Variants in HINFP observed in about 807,000 individuals in gnomAD.
The protein encoded by HINFP is histone H4 transcription factor.
HINFP carries 20 observed loss-of-function variants against 50.1 expected under a neutral mutation model. That is an observed-to-expected ratio of 0.40 (90% CI 0.28 to 0.58). HINFP has a LOEUF of 0.58. HINFP is among the 20% of genes least tolerant of loss of function. The pLI is 0.45. For missense variants in HINFP, 505 were observed against 664.1 expected (o/e 0.76, Z 2.63); for synonymous variants, 247 against 243.7 (o/e 1.01, Z -0.13).
At chr11:119,127,710 A>T (rs940852429) in intron 2 of HINFP, among the ~76,000 whole-genome samples, 3 of 151,598 alleles carry the variant, frequency 2.0e-5, no homozygotes, top group African/African-American at 4.8e-5. Context: ...GCCAATTTTT[A>T]AAAAAATTTT....
intron 1 of HINFP, among the ~76,000 whole-genome samples, chr11:119,123,547 TC>T (rs1488992196): frequency 1.0e-5 from 1 of 100,006 alleles, no homozygotes; most frequent in African/African-American, 5.2e-5. Context: ...ATTTCTTTCT[TC>T]TTTTTTTTTT....
At position 119,131,844 on chromosome 11, in the gene HINFP, T is replaced by C; in HGVS notation, c.538T>C (p.Phe180Leu). ...TTCCTTCCCAGGCTGTACCTGCACC[T>C]TCAAGGACCGCAGTAAACTTCGAGA... is the stretch of plus-strand genomic sequence containing the variant. ...LCGWKGCTCT[F>L]KDRSKLREHL... Residue 180 changes from phenylalanine to leucine, a missense_variant, in exon 5 of 10, where the codon TTC (phenylalanine) becomes CTC (leucine). Coordinates refer to ENST00000350777, the MANE Select transcript of HINFP (RefSeq NM_198971.3). The surrounding 1 kb of genome is among the most constrained non-coding windows in gnomAD (Gnocchi z 4.2). The C allele has an allele frequency of 6.2e-7, 1 of 1,614,104 alleles. No homozygotes were observed. Among genetic ancestry groups the C allele is most frequent in the Non-Finnish European group, 8.5e-7 (1 of 1,180,028 alleles).
At chr11:119,133,407 C>A (rs576884686) in intron 9 of HINFP, 188 bp downstream of exon 9, 9 of 603,468 alleles carry the variant, frequency 1.5e-5, no homozygotes, top group Non-Finnish European at 1.1e-5. Context: ...GGTGAAACCC[C>A]GTCTCTACTA....
chr11:119,135,833 C>T lies in HINFP; in HGVS notation c.*1335C>T, dbSNP rs983993638. ...CACAAGGTCAAGAGATGGAGACCAT[C>T]CTGGCCAACATGGTGAAACCCCGTC... On this transcript the variant is annotated 3_prime_UTR_variant, in exon 10 of 10. Coordinates refer to ENST00000350777, the MANE Select transcript of HINFP (RefSeq NM_198971.3). 3.9e-5 allele frequency: 6 copies of T among 152,164 alleles called. No homozygotes were observed. Among genetic ancestry groups the T allele is most frequent in the African/African-American group, 7.2e-5 (3 of 41,400 alleles). The allele number at this position is 152,164 out of a possible 1,614,324, so 9.4% of individuals were successfully genotyped here.
At chr11:119,133,824 C>G (rs959014501) in intron 9 of HINFP, 11 of 572,860 alleles carry the variant, frequency 1.9e-5, no homozygotes, top group Non-Finnish European at 3.4e-5. Flanking sequence ...TCCTTTGACA[C>G]TTTCACCCTC....
chr11:119,134,592 C>A lies in HINFP; in HGVS notation c.*94C>A. ...AGTGGGCAGCCGTTGCCAATGGATG[C>A]CTTTAGGAGTGGTGCCGAGAGCAGT... On this transcript the variant is annotated 3_prime_UTR_variant, in exon 10 of 10. Coordinates refer to ENST00000350777, the MANE Select transcript of HINFP (RefSeq NM_198971.3). The surrounding 1 kb of genome is among the most constrained non-coding windows in gnomAD (Gnocchi z 4.3). The A allele has an allele frequency of 1.0e-6, 1 of 971,774 alleles. No individual in the cohort carries two copies. The highest frequency in any genetic ancestry group is 1.5e-6 in the Non-Finnish European group (1 of 670,626). 60.2% of individuals were successfully genotyped at this position (971,774 alleles called of 1,614,324 possible).
Position 119,130,770 on chromosome 11 carries a change from T to C in HINFP, c.227T>C (p.Leu76Pro). ...TGGCAGGAATGTGGCTTTTGTTCTCTGGACAGTTCTGCTGACCTCATCCGC... is the reference window on the plus strand; with the variant it reads ...TGGCAGGAATGTGGCTTTTGTTCTCCGGACAGTTCTGCTGACCTCATCCGC... ...CLWQECGFCS[L>P]DSSADLIRHV... The change falls in exon 3 of 10, where the codon CTG becomes CCG. Residue 76 changes from leucine (L) to proline (P), a missense_variant. Coordinates refer to ENST00000350777, the MANE Select transcript of HINFP (RefSeq NM_198971.3). 2 of 1,614,252 alleles carry C rather than the reference T, an allele frequency of 1.2e-6. No homozygotes were observed. Among genetic ancestry groups the C allele is most frequent in the Non-Finnish European group, 1.7e-6 (2 of 1,180,038 alleles).
In HINFP at chr11:119,132,677, C is replaced by T; in HGVS notation, c.771C>T (p.Cys257=). Residue 257 remains cysteine (C), a synonymous_variant, in exon 7 of 10, where the codon TGC becomes TGT. Coordinates refer to ENST00000350777, the MANE Select transcript of HINFP (RefSeq NM_198971.3). ...HMRNHVNHYK[C]PLCDMTCPLP... ...TTCTCTCAGTGAATCACTATAAGTG[C>T]CCTCTGTGTGACATGACCTGCCCGC... The T allele has an allele frequency of 6.2e-7, 1 of 1,614,098 alleles. No homozygotes were observed. Among genetic ancestry groups the T allele is most frequent in the Non-Finnish European group, 8.5e-7 (1 of 1,180,042 alleles).
At chr11:119,125,354 C>G (rs1046153485) in intron 1 of HINFP, 7 of 152,068 alleles carry the variant, frequency 4.6e-5, no homozygotes, top group African/African-American at 1.7e-4. Context: ...CCTTCAGTTT[C>G]ATGTTTATCT....
In HINFP at chr11:119,131,778, C is replaced by T; in HGVS notation, c.524-52C>T. 1 of 1,611,404 alleles carries T rather than the reference C, an allele frequency of 6.2e-7. No individual in the cohort carries two copies. The highest frequency in any genetic ancestry group is 8.5e-7 in the Non-Finnish European group (1 of 1,178,600). ...TGGAGAGACTCAGGGGTACCAGATCCTAGGCAAAACTGGGGTTTTGTGGCA... is the reference window on the plus strand; with the variant it reads ...TGGAGAGACTCAGGGGTACCAGATCTTAGGCAAAACTGGGGTTTTGTGGCA... On this transcript the variant is annotated intron_variant, in intron 4 of 9. Coordinates refer to ENST00000350777, the MANE Select transcript of HINFP (RefSeq NM_198971.3). This position sits in a 1 kb window ranked among gnomAD's most constrained non-coding sequence, Gnocchi z 4.2.
intron 6 of HINFP, 43 bp downstream of exon 6, chr11:119,132,616 G>T (rs183673787): frequency 2.5e-5 from 41 of 1,614,020 alleles, no homozygotes; most frequent in Middle Eastern, 3.3e-4. Context: ...GCCCTCCAAG[G>T]TTCCACAAGT....
rs919706277 is a variant in HINFP at position 119,134,324 on chromosome 11, C to T, written c.1380C>T (p.Pro460=). 2 of 1,614,188 alleles carry T rather than the reference C, an allele frequency of 1.2e-6. No individual in the cohort carries two copies. Among genetic ancestry groups the T allele is most frequent in the Middle Eastern group, 1.6e-4 (1 of 6,062 alleles). ...GTALSASQDN[P]SSVIHVVNQT... is the part of the protein sequence containing the mutation. ...CCCTCTCAGCCTCTCAGGACAACCC[C>T]AGTTCTGTCATCCACGTGGTGAATC... The change falls in exon 10 of 10, where the codon CCC becomes CCT. Residue 460 remains proline (P), a synonymous_variant. Coordinates refer to ENST00000350777, the MANE Select transcript of HINFP (RefSeq NM_198971.3). This position sits in a 1 kb window ranked among gnomAD's most constrained non-coding sequence, Gnocchi z 4.3.
rs562069449 is a variant in HINFP, at chr11:119,135,841, A to C, written c.*1343A>C. 1.3e-5 allele frequency: 2 copies of C among 152,346 alleles called. No individual in the cohort carries two copies. Among genetic ancestry groups the C allele is most frequent in the South Asian group, 4.1e-4 (2 of 4,822 alleles). 9.4% of individuals were successfully genotyped at this position (152,346 alleles called of 1,614,324 possible). Reference sequence around the variant, plus strand: ...CAAGAGATGGAGACCATCCTGGCCAACATGGTGAAACCCCGTCTCTACTAA... The same window carrying C: ...CAAGAGATGGAGACCATCCTGGCCACCATGGTGAAACCCCGTCTCTACTAA... On this transcript the variant is annotated 3_prime_UTR_variant, in exon 10 of 10. Coordinates refer to ENST00000350777, the MANE Select transcript of HINFP (RefSeq NM_198971.3).
intron 1 of HINFP, chr11:119,125,554 G>A (rs1298267949): frequency 6.6e-6 from 1 of 152,184 alleles, no homozygotes; most frequent in African/African-American, 2.4e-5. Context: ...GCGCATGCCT[G>A]TGGTCCCAGT....
rs768715997 is a variant in HINFP, at chr11:119,131,627, G to A, written c.504G>A (p.Val168=). ...AAGCAGTCGGCAAGGACAACCCGGT[G>A]GTGCTGTGTGGCTGGAAAGGTAGGG... ...EYEAVGKDNP[V]VLCGWKGCTC... The change falls in exon 4 of 10, where the codon GTG becomes GTA. Residue 168 remains valine (V), a synonymous_variant. Coordinates refer to ENST00000350777, the MANE Select transcript of HINFP (RefSeq NM_198971.3). This position sits in a 1 kb window ranked among gnomAD's most constrained non-coding sequence, Gnocchi z 4.2. 6.2e-7 allele frequency: 1 copy of A among 1,613,988 alleles called. No individual in the cohort carries two copies. Among genetic ancestry groups the A allele is most frequent in the Non-Finnish European group, 8.5e-7 (1 of 1,179,842 alleles).
chr11:119,125,037 T>TGTG (rs1565788267), intron 1 of HINFP: 7 of 38,602 alleles, frequency 1.8e-4, no homozygotes, highest in African/African-American at 1.1e-3. Context: ...GTGTGTGTGT[T>TGTG]TTTTTTTTTT....
Position 119,132,851 on chromosome 11 carries a change from T to C in HINFP, c.876-13T>C. Reference sequence around the variant, plus strand: ...CCCCATGTCCTCCAATCCCTCCTGATTTCTCATGGCAGCTGCAAGAATCTT... The same window carrying C: ...CCCCATGTCCTCCAATCCCTCCTGACTTCTCATGGCAGCTGCAAGAATCTT... On this transcript the variant is annotated splice_polypyrimidine_tract_variant and intron_variant, in intron 7 of 9. Transcript: ENST00000350777. 6.2e-7 allele frequency: 1 copy of C among 1,614,172 alleles called. No homozygotes were observed. Among genetic ancestry groups the C allele is most frequent in the South Asian group, 1.1e-5 (1 of 91,086 alleles).
chr11:119,129,751 A>G (rs1300683927), intron 2 of HINFP: 4 of 152,318 alleles, frequency 2.6e-5, no homozygotes, highest in African/African-American at 7.2e-5. Context: ...GGCGTGAGCC[A>G]CCGCACCCGG....
At chr11:119,132,097 T>C (rs1298316430) in intron 5 of HINFP, 115 bp downstream of exon 5, 1 of 1,189,816 alleles carries the variant, frequency 8.4e-7, no homozygotes, top group African/African-American at 1.5e-5. Context: ...TGCCTCTTCT[T>C]TTTGGGCTCA....
Sources: gnomAD v4.1 joint callset for allele counts (sites outside exome capture counted in the v4.1 genomes callset) on GRCh38, gnomAD v4.1.1 for gene constraint, Gnocchi (gnomAD v3.1) non-coding constraint, MANE v1.5 for transcripts, NCBI Gene and HGNC (gene_info 2026-07-23, HGNC 2026-07-21) for gene names.